The following MYOM1 variants were observed in gnomAD, a reference collection of about 807,000 sequenced individuals.
MYOM1 encodes the protein myomesin 1, also known as myomesin-1.
A neutral mutation model predicts 205.3 loss-of-function variants in MYOM1; 164 were observed. That is an observed-to-expected ratio of 0.80 (90% CI 0.70 to 0.91). The LOEUF (loss-of-function observed/expected upper bound fraction) is 0.91, where lower values mean the gene tolerates loss of function less well. MYOM1 is among the 40% of genes least tolerant of loss of function. The probability of loss-of-function intolerance (pLI) is 0.00; values close to 1 mark genes in which losing one functional copy is unlikely to be tolerated. For synonymous variants in MYOM1, 772 were observed against 789.4 expected, an observed-to-expected ratio of 0.98 and a Z score of 0.37; for missense variants, 2,011 against 2,127.3, an observed-to-expected ratio of 0.95 and a Z score of 1.08.
intron 13 of MYOM1, among the ~76,000 whole-genome samples, chr18:3,147,523 C>T (rs1435592042): frequency 6.6e-6 from 1 of 152,016 alleles, no homozygotes; most frequent in African/African-American, 2.4e-5. Flanking sequence ...GCTGAAACAA[C>T]TTTGGGGGGG....
intron 37 of MYOM1, among the ~76,000 whole-genome samples, chr18:3,068,005 C>T (rs1014785458): frequency 1.3e-5 from 2 of 152,110 alleles, no homozygotes; most frequent in Non-Finnish European, 2.9e-5. Context: ...ACGGCAGCTG[C>T]TTCAGATAAT....
intron 10 of MYOM1, among the ~76,000 whole-genome samples, chr18:3,155,443 CT>C (rs1280542615): frequency 6.6e-6 from 1 of 152,190 alleles, no homozygotes; most frequent in Non-Finnish European, 1.5e-5. Flanking sequence ...CCAGGATGGT[CT>C]TGATCTCCTG....
At position 3,131,516 on chromosome 18, in the gene MYOM1, TA is replaced by T. The variant is rs1191812047; in HGVS notation, c.2385-21del. ...GTGAATCTAAAAGGAAAACAAGTTT[TA>T]AAAAATTTTCCTAGGAGGAAGATTA... On this transcript the variant is annotated intron_variant, in intron 16 of 37. Coordinates refer to ENST00000356443, the MANE Select transcript of MYOM1 (RefSeq NM_003803.4). 1.2e-6 allele frequency: 2 copies of T among 1,605,928 alleles called. No homozygotes were observed. The highest frequency in any genetic ancestry group is 3.4e-5 in the Admixed American group (2 of 58,574).
intron 3 of MYOM1, among the ~76,000 whole-genome samples, chr18:3,192,708 GTTTCC>G (rs2080928476): frequency 6.6e-6 from 1 of 152,126 alleles, no homozygotes; most frequent in Non-Finnish European, 1.5e-5. Flanking sequence ...TCCAGGACAA[GTTTCC>G]TTTCAAGATT....
intron 14 of MYOM1, among the ~76,000 whole-genome samples, chr18:3,137,051 C>T (rs193164825): frequency 1.1e-4 from 16 of 151,502 alleles, no homozygotes; most frequent in South Asian, 4.2e-4. Context: ...CCTGGGTTCA[C>T]GCCATTCTCC....
At chr18:3,193,613 C>T (rs1195553355) in intron 3 of MYOM1, among the ~76,000 whole-genome samples, 2 of 152,080 alleles carry the variant, frequency 1.3e-5, no homozygotes, top group Admixed American at 1.3e-4. Context: ...GTGCAGGGTT[C>T]CCAGCTTCCT....
At chr18:3,127,303 ATATTTTTTTTTTT>A (rs2079805176) in intron 18 of MYOM1, among the ~76,000 whole-genome samples, 1 of 48,846 alleles carries the variant, frequency 2.0e-5, no homozygotes, top group African/African-American at 8.2e-5. Context: ...ATATATATAT[ATATTTTTTTTTTT>A]TTTTTTTTTG....
chr18:3,150,228 T>A (rs934563807), intron 12 of MYOM1, among the ~76,000 whole-genome samples: 5 of 152,000 alleles, frequency 3.3e-5, no homozygotes, highest in African/African-American at 1.2e-4. Flanking sequence ...CCTGGCTAAT[T>A]TTTTGTAATT....
rs113174034 is a variant in MYOM1 at position 3,188,615 on chromosome 18, T to C, written c.771+133A>G. On this transcript the variant is annotated intron_variant, in intron 4 of 37. Coordinates refer to ENST00000356443, the MANE Select transcript of MYOM1 (RefSeq NM_003803.4). ...CTGCACTCCAACCTGGGGGACAGAG[T>C]GAGACTCCATCTCAAAAGGAAAAAA... 67,402 of 1,018,906 alleles carry C rather than the reference T, an allele frequency of 0.066. 3,494 individuals are homozygous for C. Among genetic ancestry groups the C allele is most frequent in the African/African-American group, 0.24 (14,681 of 60,926 alleles). 63.1% of individuals were successfully genotyped at this position (1,018,906 alleles called of 1,614,324 possible).
chr18:3,110,235 G>C (rs1174124091), intron 22 of MYOM1, among the ~76,000 whole-genome samples: 3 of 151,876 alleles, frequency 2.0e-5, no homozygotes, highest in Non-Finnish European at 4.4e-5. Flanking sequence ...GGGGGTGTGC[G>C]TGTGTGTGTG....
At chr18:3,100,099 T>A (rs2079356993) in intron 25 of MYOM1, 60 bp downstream of exon 25, 1 of 1,544,730 alleles carries the variant, frequency 6.5e-7, no homozygotes, top group Admixed American at 1.7e-5. Flanking sequence ...TCTGATCTAT[T>A]CCAGAAGTTG....
intron 2 of MYOM1, among the ~76,000 whole-genome samples, chr18:3,201,164 T>C (rs1020372459): frequency 6.6e-6 from 1 of 152,082 alleles, no homozygotes; most frequent in Non-Finnish European, 1.5e-5. Context: ...TTTGGGAGGC[T>C]GAAGGGGGTG....
chr18:3,126,446 G>T (rs567859573), intron 19 of MYOM1, among the ~76,000 whole-genome samples: 1 of 151,788 alleles, frequency 6.6e-6, no homozygotes, highest in Non-Finnish European at 1.5e-5. Flanking sequence ...TACAGTAAGC[G>T]CACATTTCAT....
the MYOM1 span, among the ~76,000 whole-genome samples, chr18:3,243,368 T>C: frequency 2.6e-5 from 4 of 152,234 alleles, no homozygotes; most frequent in African/African-American, 7.2e-5. Flanking sequence ...TTACATGCAA[T>C]AAAAATTGCA....
chr18:3,166,001 G>A (rs2080462278), intron 9 of MYOM1, among the ~76,000 whole-genome samples: 1 of 152,182 alleles, frequency 6.6e-6, no homozygotes, highest in Non-Finnish European at 1.5e-5. Flanking sequence ...ACTGCCCACT[G>A]TGCCCAGGAG....
chr18:3,120,020 T>C lies in MYOM1; in HGVS notation c.2992-25A>G, dbSNP rs374497445. On this transcript the variant is annotated intron_variant, in intron 19 of 37. Coordinates refer to ENST00000356443, the MANE Select transcript of MYOM1 (RefSeq NM_003803.4). ...TCTGCAACATTGACAACATCACAGA[T>C]ACTGAATGTTCCAGGTTTGTTTTTT... 18 of 1,550,730 alleles carry C rather than the reference T, an allele frequency of 1.2e-5. No individual in the cohort carries two copies. In the African/African-American group the frequency reaches 1.7e-4, roughly 14 times the overall value.
At chr18:3,097,351 T>A (rs2079318551) in intron 25 of MYOM1, among the ~76,000 whole-genome samples, 1 of 151,886 alleles carries the variant, frequency 6.6e-6, no homozygotes, top group South Asian at 2.1e-4. Context: ...AAATGTTGCT[T>A]CCTTGGGTTA....
chr18:3,235,256 C>CA, the MYOM1 span, among the ~76,000 whole-genome samples: 4 of 152,112 alleles, frequency 2.6e-5, no homozygotes, highest in African/African-American at 9.7e-5. Context: ...CAAAATGTCC[C>CA]AAATGATAAC....
At chr18:3,081,504 T>C (rs1290925152) in intron 33 of MYOM1, among the ~76,000 whole-genome samples, 5 of 152,246 alleles carry the variant, frequency 3.3e-5, no homozygotes, top group Non-Finnish European at 4.4e-5. Flanking sequence ...AAGATACTTA[T>C]GCTTTGCTGG....
Sources: allele counts gnomAD v4.1 joint callset (sites outside exome capture counted in the v4.1 genomes callset), GRCh38; gene constraint gnomAD v4.1.1; transcripts MANE v1.5; gene names NCBI Gene and HGNC (gene_info 2026-07-23, HGNC 2026-07-21).